Variants in PPA1 observed in about 807,000 individuals in gnomAD.
PPA1 encodes the protein inorganic pyrophosphatase 1.
In PPA1, 23 loss-of-function variants were observed where a neutral mutation model predicts 41.8. That is an observed-to-expected ratio of 0.55 (90% CI 0.40 to 0.78). The LOEUF is 0.78. PPA1 is among the 30% of genes least tolerant of loss of function. The pLI, the probability that PPA1 is intolerant of heterozygous loss-of-function variation, is 0.00. For missense variants in PPA1, 320 were observed against 361.6 expected, an observed-to-expected ratio of 0.89 and a Z score of 0.93; for synonymous variants, 101 against 116.8, an observed-to-expected ratio of 0.86 and a Z score of 0.87.
Position 70,233,402 on chromosome 10 carries a change from C to T in PPA1, c.-75G>A. 10 of 1,508,416 alleles carry T rather than the reference C, an allele frequency of 6.6e-6. No individual in the cohort carries two copies. In the South Asian group the frequency reaches 1.1e-4, roughly 17 times the overall value. The allele number at this position is 1,508,416 out of a possible 1,614,324, so 93.4% of individuals were successfully genotyped here. A position where few individuals can be genotyped will look rare whatever the true frequency, so the allele number is the denominator to read the frequency against. On this transcript the variant is annotated 5_prime_UTR_variant, in exon 1 of 11. Transcript: ENST00000373232. Reference sequence around the variant, plus strand: ...GCGGCGCCGACTGACAAGGAGAGAGCCCCACGCCTGCGCACTGCGAGCACT... The same window carrying T: ...GCGGCGCCGACTGACAAGGAGAGAGTCCCACGCCTGCGCACTGCGAGCACT...
chr10:70,224,246 C>CAAAA (rs58480019), intron 2 of PPA1, among the ~76,000 whole-genome samples: 7 of 69,470 alleles, frequency 1.0e-4, no homozygotes, highest in South Asian at 4.9e-4. Flanking sequence ...CCTGTCTCTA[C>CAAAA]AAAAAAAAAA....
At chr10:70,227,154 G>A (rs1305033168) in intron 2 of PPA1, among the ~76,000 whole-genome samples, 4 of 152,194 alleles carry the variant, frequency 2.6e-5, no homozygotes, top group African/African-American at 9.7e-5. Context: ...AGCTATAGGT[G>A]CTTTTATATT....
intron 2 of PPA1, among the ~76,000 whole-genome samples, chr10:70,221,569 T>C (rs1840169391): frequency 6.6e-6 from 1 of 152,220 alleles, no homozygotes; most frequent in African/African-American, 2.4e-5. Context: ...GAACCAATCT[T>C]TGACTAAATT....
At chr10:70,230,471 T>A in intron 1 of PPA1, 72 bp from the exon 2 acceptor site, 1 of 1,447,438 alleles carries the variant, frequency 6.9e-7, no homozygotes, top group South Asian at 1.2e-5. Flanking sequence ...ACACATTTTT[T>A]TTTTCTGAGA....
intron 2 of PPA1, among the ~76,000 whole-genome samples, chr10:70,221,717 T>C (rs1484678862): frequency 6.6e-6 from 1 of 152,184 alleles, no homozygotes; most frequent in Non-Finnish European, 1.5e-5. Context: ...AAGATGGAGC[T>C]GTTACGACAT....
chr10:70,211,079 T>C (rs1243328000), intron 6 of PPA1, among the ~76,000 whole-genome samples: 1 of 152,178 alleles, frequency 6.6e-6, no homozygotes, highest in Non-Finnish European at 1.5e-5. Context: ...ATCCAATTTA[T>C]AATCTGCATA....
chr10:70,208,182 C>T (rs1839969363), intron 8 of PPA1, among the ~76,000 whole-genome samples: 3 of 152,130 alleles, frequency 2.0e-5, no homozygotes, highest in Admixed American at 2.0e-4. Context: ...AAGAGCAAGA[C>T]TCTGTCTCAG....
At chr10:70,205,306 G>A (rs1839925467) in intron 9 of PPA1, 1 of 153,066 alleles carries the variant, frequency 6.5e-6, no homozygotes, top group Non-Finnish European at 1.4e-5. Context: ...AACCTGGGAG[G>A]CGGAGGTTGC....
At chr10:70,206,542 C>T (rs1333489981) in intron 8 of PPA1, among the ~76,000 whole-genome samples, 6 of 151,858 alleles carry the variant, frequency 4.0e-5, no homozygotes, top group South Asian at 2.1e-4. Flanking sequence ...TTAACAAGTT[C>T]GGATTTAAGA....
chr10:70,207,470 A>T (rs1839958996), intron 8 of PPA1, among the ~76,000 whole-genome samples: 1 of 152,140 alleles, frequency 6.6e-6, no homozygotes, highest in Non-Finnish European at 1.5e-5. Flanking sequence ...GGGGGTCAAG[A>T]TCAGCCTGGA....
intron 3 of PPA1, 94 bp from the exon 4 acceptor site, chr10:70,218,025 C>A: frequency 4.5e-6 from 5 of 1,110,080 alleles, no homozygotes; most frequent in Non-Finnish European, 6.2e-6. Context: ...CCTATGTTCC[C>A]TAATTCCACT....
intron 2 of PPA1, among the ~76,000 whole-genome samples, chr10:70,224,382 G>A (rs1244792520): frequency 2.0e-5 from 3 of 152,004 alleles, no homozygotes; most frequent in South Asian, 2.1e-4. Flanking sequence ...TCTACATTAT[G>A]TCACTCCATT....
chr10:70,220,955 A>AAC (rs1554830602), intron 2 of PPA1, among the ~76,000 whole-genome samples: 1 of 9,580 alleles, frequency 1.0e-4, no homozygotes, highest in African/African-American at 3.3e-4. Flanking sequence ...ATTTATATAT[A>AAC]ATATATATAA....
chr10:70,211,015 G>A (rs769472369), intron 6 of PPA1, among the ~76,000 whole-genome samples: 2 of 152,032 alleles, frequency 1.3e-5, no homozygotes, highest in African/African-American at 2.4e-5. Context: ...CGCCTGCCTC[G>A]GCCTCCCAAA....
chr10:70,221,739 T>C (rs1432140929), intron 2 of PPA1, among the ~76,000 whole-genome samples: 7 of 152,168 alleles, frequency 4.6e-5, no homozygotes, highest in Non-Finnish European at 8.8e-5. Context: ...AAAGATCAAC[T>C]GAAGAGCTCG....
chr10:70,226,196 C>T lies in PPA1; in HGVS notation c.123+4145G>A, dbSNP rs116276648. Among the ~76,000 whole-genome samples, 1,258 of 152,300 alleles carry T rather than the reference C, an allele frequency of 8.3e-3. 21 individuals carry two copies. The highest frequency in any genetic ancestry group is 0.029 in the African/African-American group (1,209 of 41,560). On this transcript the variant is annotated intron_variant, in intron 2 of 10. Transcript: ENST00000373232. ...TACATAGATTTTCTACTCATTGCAG[C>T]TCAAACAAATGCCTGTATTTGCTAC...
At position 70,218,805 on chromosome 10, in the gene PPA1, T is replaced by C. The variant is rs1461430639; in HGVS notation, c.136A>G (p.Met46Val). The C allele has an allele frequency of 5.6e-6, 9 of 1,612,212 alleles. No homozygotes were observed. The highest frequency in any genetic ancestry group is 4.0e-5 in the African/African-American group (3 of 74,874). Residue 46 changes from methionine to valine, a missense_variant, in exon 3 of 11, where the codon ATG (methionine) becomes GTG (valine). By Grantham distance (21) the Met-to-Val change is conservative. Transcript: ENST00000373232. Reference protein sequence around the residue: ...PIYADKDVFHMVVEVPRWSNA... With the variant: ...PIYADKDVFHVVVEVPRWSNA... ...GACCAGCGTGGTACTTCAACTACCATGTGAAACACATCCTGAAAAAACAAA... is the reference window on the plus strand; with the variant it reads ...GACCAGCGTGGTACTTCAACTACCACGTGAAACACATCCTGAAAAAACAAA...
chr10:70,221,961 A>AGGG (rs1840175141), intron 2 of PPA1, among the ~76,000 whole-genome samples: 1 of 152,196 alleles, frequency 6.6e-6, no homozygotes, highest in African/African-American at 2.4e-5. Flanking sequence ...AAAAAATAAC[A>AGGG]AGGAAGAAAA....
At chr10:70,209,859 C>CTTCG (rs1034352894) in intron 6 of PPA1, 174 bp from the exon 7 acceptor site, 12 of 718,990 alleles carry the variant, frequency 1.7e-5, no homozygotes, top group Admixed American at 1.6e-4. Flanking sequence ...AACATTGGAG[C>CTTCG]GAAGCCCCTT....
Sources: allele counts gnomAD v4.1 joint callset (sites outside exome capture counted in the v4.1 genomes callset), GRCh38; gene constraint gnomAD v4.1.1; transcripts MANE v1.5; gene names NCBI Gene and HGNC (gene_info 2026-07-23, HGNC 2026-07-21).